The following UBAP2 variants were observed in gnomAD, a reference collection of about 807,000 sequenced individuals.
UBAP2 encodes the protein ubiquitin-associated protein 2.
A neutral mutation model predicts 139.6 loss-of-function variants in UBAP2; 75 were observed. The observed-to-expected ratio is 0.54, with a 90% CI of 0.45 to 0.65. The LOEUF (loss-of-function observed/expected upper bound fraction) is 0.65. Ranked by LOEUF, UBAP2 falls within the 30% of genes least tolerant of loss-of-function variation. UBAP2 has a pLI of 0.00. For missense variants in UBAP2, 1,368 were observed against 1,369.6 expected, an observed-to-expected ratio of 1.00 and a Z score of 0.02; for synonymous variants, 526 against 526.2, an observed-to-expected ratio of 1.00 and a Z score of 0.01.
chr9:34,017,388 G>C (rs1034590519), intron 1 of UBAP2, among the ~76,000 whole-genome samples, 199 bp from the exon 2 acceptor site: 2 of 152,048 alleles, frequency 1.3e-5, no homozygotes, highest in Non-Finnish European at 2.9e-5. Context: ...TATGGTTTAC[G>C]AGCTTAGCAA....
intron 1 of UBAP2, among the ~76,000 whole-genome samples, chr9:34,042,636 A>C (rs553339194): frequency 3.3e-5 from 5 of 152,108 alleles, no homozygotes; most frequent in East Asian, 3.9e-4. Context: ...TAAAACAACA[A>C]CACAAAGGAA....
intron 2 of UBAP2, among the ~76,000 whole-genome samples, chr9:34,008,406 G>C (rs1587651737): frequency 6.6e-6 from 1 of 151,696 alleles, no homozygotes; most frequent in East Asian, 1.9e-4. Context: ...TTTGAACCAG[G>C]ATGGTGTGTG....
chr9:34,029,255 T>C (rs986071981), intron 1 of UBAP2, among the ~76,000 whole-genome samples: 7 of 140,176 alleles, frequency 5.0e-5, no homozygotes, highest in African/African-American at 1.8e-4. Context: ...GGGCCAGGCG[T>C]AGTGGCTCAG....
chr9:33,983,524 C>T (rs1820946686), intron 6 of UBAP2, among the ~76,000 whole-genome samples: 1 of 152,134 alleles, frequency 6.6e-6, no homozygotes, highest in Admixed American at 6.5e-5. Context: ...GATATTTTAA[C>T]CAGAACAGGG....
At chr9:34,014,324 CAAAAAAAAAAAAA>C (rs1170182976) in intron 2 of UBAP2, among the ~76,000 whole-genome samples, 2 of 55,674 alleles carry the variant, frequency 3.6e-5, no homozygotes, top group African/African-American at 1.5e-4. Context: ...GAGACTGTCT[CAAAAAAAAAAAAA>C]AAAAAAAAAA....
At chr9:33,945,655 TAGAC>T (rs752768859) in intron 13 of UBAP2, among the ~76,000 whole-genome samples, 34 of 152,292 alleles carry the variant, frequency 2.2e-4, no homozygotes, top group Non-Finnish European at 3.4e-4. Context: ...ACAATATATA[TAGAC>T]AGACAGACAG....
At chr9:33,997,298 T>G (rs1038601686) in intron 3 of UBAP2, 1 of 152,200 alleles carries the variant, frequency 6.6e-6, no homozygotes, top group African/African-American at 2.4e-5. Context: ...TTCTCAAGTA[T>G]CAGTGAATAA....
At chr9:34,035,278 G>A (rs570491262) in intron 1 of UBAP2, among the ~76,000 whole-genome samples, 16 of 151,556 alleles carry the variant, frequency 1.1e-4, no homozygotes, top group Admixed American at 2.0e-4. Context: ...CGAGGCGGGC[G>A]GATCACCTGA....
chr9:34,032,651 T>TG, intron 1 of UBAP2, among the ~76,000 whole-genome samples: 1 of 152,144 alleles, frequency 6.6e-6, no homozygotes, highest in Non-Finnish European at 1.5e-5. Flanking sequence ...AGGCTGGGTG[T>TG]GGTGGCTCAT....
At chr9:33,962,676 A>T (rs200638782) in intron 9 of UBAP2, among the ~76,000 whole-genome samples, 7,218 of 106,556 alleles carry the variant, frequency 0.068, 237 homozygotes, top group Non-Finnish European at 0.097. Context: ...AAATAAATAA[A>T]TAAATAATTA....
chr9:34,017,071 T>C lies in UBAP2; in HGVS notation c.78A>G (p.Gln26=), dbSNP rs143442837. Residue 26 remains glutamine (Q), a synonymous_variant, in exon 2 of 29, where the codon CAA becomes CAG. Coordinates refer to ENST00000379238, the MANE Select transcript of UBAP2 (RefSeq NM_001370062.2). ...KPQISAAQST[Q]PQKQVVQATA... ...TTACCTGTACCACTTGTTTCTGTGG[T>C]TGCGTTGATTGTGCTGCTGAAATCT... is the stretch of plus-strand genomic sequence containing the variant. 7.5e-6 allele frequency: 12 copies of C among 1,606,352 alleles called. No homozygotes were observed. The Admixed American group carries it at 1.0e-4, about 14-fold the overall frequency.
intron 2 of UBAP2, among the ~76,000 whole-genome samples, chr9:34,002,984 G>C (rs1018944114): frequency 1.3e-5 from 2 of 152,098 alleles, no homozygotes; most frequent in South Asian, 4.1e-4. Context: ...CACAGTGCCC[G>C]GCCTATATCT....
intron 10 of UBAP2, among the ~76,000 whole-genome samples, chr9:33,958,529 T>C (rs980037453): frequency 6.6e-5 from 10 of 151,826 alleles, no homozygotes; most frequent in Admixed American, 1.3e-4. Flanking sequence ...TGCCTCAGTC[T>C]CCCAAGTAAT....
chr9:33,965,980 G>T (rs996926214), intron 8 of UBAP2, among the ~76,000 whole-genome samples: 6 of 151,122 alleles, frequency 4.0e-5, no homozygotes, highest in African/African-American at 1.5e-4. Flanking sequence ...AACCCGGGAG[G>T]CAGAGCCTGC....
intron 15 of UBAP2, 81 bp from the exon 16 acceptor site, chr9:33,941,943 C>T (rs776579031): frequency 1.7e-5 from 16 of 921,520 alleles, no homozygotes; most frequent in Non-Finnish European, 2.3e-5. Flanking sequence ...AACAGCTTCA[C>T]GAGATGCAAC....
At chr9:33,942,945 A>G (rs1270823809) in intron 15 of UBAP2, among the ~76,000 whole-genome samples, 1 of 152,152 alleles carries the variant, frequency 6.6e-6, no homozygotes, top group Non-Finnish European at 1.5e-5. Flanking sequence ...TACTCCTGGG[A>G]TATACATCCC....
rs1825649201 is a variant in UBAP2 at position 33,946,277 on chromosome 9, G to A, written c.1271-1638C>T. On this transcript the variant is annotated intron_variant, in intron 13 of 28. Coordinates refer to ENST00000379238, the MANE Select transcript of UBAP2 (RefSeq NM_001370062.2). ...TTTTTGTCTATGATACAAATTTTGA[G>A]TATTTTTTTCATTGTTTGTCTGCCT... Among the ~76,000 whole-genome samples the A allele has an allele frequency of 5.3e-5, 8 of 151,874 alleles. No individual in the cohort carries two copies. The South Asian group carries it at 1.7e-3, about 32-fold the overall frequency.
rs1188316580 is a variant in UBAP2, at chr9:34,047,904, A to T, written c.-42+921T>A. Among the ~76,000 whole-genome samples the T allele has an allele frequency of 2.0e-5, 3 of 152,244 alleles. No homozygotes were observed. In the East Asian group the frequency reaches 5.8e-4, roughly 29 times the overall value. On this transcript the variant is annotated intron_variant, in intron 1 of 28. Coordinates refer to ENST00000379238, the MANE Select transcript of UBAP2 (RefSeq NM_001370062.2). Reference sequence around the variant, plus strand: ...ATAAGCCTAAATACTGGCAAACCATATACCTTCCTTGAATGTGAGGTAAAA... The same window carrying T: ...ATAAGCCTAAATACTGGCAAACCATTTACCTTCCTTGAATGTGAGGTAAAA...
intron 1 of UBAP2, among the ~76,000 whole-genome samples, chr9:34,032,916 CA>C (rs71506153): frequency 0.21 from 24,430 of 117,984 alleles, 2,080 homozygotes; most frequent in African/African-American, 0.28. Flanking sequence ...ACCCTGTCTT[CA>C]AAAAAAAAAA....
Sources: allele counts gnomAD v4.1 joint callset (sites outside exome capture counted in the v4.1 genomes callset), GRCh38; gene constraint gnomAD v4.1.1; transcripts MANE v1.5; gene names NCBI Gene and HGNC (gene_info 2026-07-23, HGNC 2026-07-21).